PDE1C: variants seen among roughly 807,000 people sequenced by gnomAD.
PDE1C encodes the protein phosphodiesterase 1C.
Under a neutral mutation model 93.1 loss-of-function variants are expected in PDE1C, and 62 were observed. That is an observed-to-expected ratio of 0.67 (90% CI 0.54 to 0.82). The LOEUF (loss-of-function observed/expected upper bound fraction) is 0.82. Among genes scored for constraint, PDE1C ranks in the 40% least tolerant of loss-of-function variants. The pLI is 0.00. For synonymous variants in PDE1C, 325 were observed against 310.1 expected, an observed-to-expected ratio of 1.05 and a Z score of -0.50; for missense variants, 742 against 884.6, an observed-to-expected ratio of 0.84 and a Z score of 2.04.
In PDE1C at chr7:32,112,840, GTGTGTGTA is replaced by G. The variant is rs1341889644; in HGVS notation, c.308+56937_308+56944del. 9.5e-3 allele frequency among the ~76,000 whole-genome samples: 511 copies of G among 53,600 alleles called. 6 individuals are homozygous for G. The East Asian group carries it at 0.1, about 11-fold the overall frequency. 35.2% of individuals were successfully genotyped at this position (53,600 alleles called of 152,430 possible). A position where few individuals can be genotyped will look rare whatever the true frequency, so the allele number is the denominator to read the frequency against. ...TGTGTGTGTGTGTGTGTGTGTGTGT[GTGTGTGTA>G]TATATATATATATATATATATATAT... is the stretch of plus-strand genomic sequence containing the variant. On this transcript the variant is annotated intron_variant, in intron 3 of 18. Transcript: ENST00000396193.
chr7:32,226,941 G>A (rs1807324247), intron 1 of PDE1C, among the ~76,000 whole-genome samples: 1 of 152,094 alleles, frequency 6.6e-6, no homozygotes, highest in African/African-American at 2.4e-5. Flanking sequence ...TGCGGTCAGG[G>A]GCCGTTAGGA....
chr7:32,141,362 C>T (rs781216702), intron 3 of PDE1C, among the ~76,000 whole-genome samples: 1 of 152,134 alleles, frequency 6.6e-6, no homozygotes, highest in East Asian at 1.9e-4. Context: ...GAAAAAAGAG[C>T]ATGGAAAGGG....
chr7:32,206,287 G>A (rs1805513660), intron 2 of PDE1C, among the ~76,000 whole-genome samples: 1 of 152,186 alleles, frequency 6.6e-6, no homozygotes, highest in South Asian at 2.1e-4. Flanking sequence ...AGGGGGAAAG[G>A]AGCAGAAAGG....
chr7:32,160,192 G>A (rs1801824928), intron 3 of PDE1C, among the ~76,000 whole-genome samples: 1 of 152,116 alleles, frequency 6.6e-6, no homozygotes, highest in Admixed American at 6.5e-5. Context: ...GGGTGCCAGA[G>A]GGGACTTCTG....
Position 32,029,739 on chromosome 7 carries a change from ATGT to A in PDE1C, c.128+21812_128+21814del, listed in dbSNP as rs1347244162. Among the ~76,000 whole-genome samples, 11 of 152,238 alleles carry A rather than the reference ATGT, an allele frequency of 7.2e-5. No homozygotes were observed. The East Asian group carries it at 2.1e-3, about 29-fold the overall frequency. The stretch of plus-strand genomic sequence containing the variant: ...AACCTAGGTTTAAAAAATTGTGTAA[ATGT>A]TGTAAAAGGGATTTTCAAGGCAATG... On this transcript the variant is annotated intron_variant, in intron 2 of 17. Transcript: ENST00000396191.
At chr7:31,816,302 G>T (rs530470541) in intron 14 of PDE1C, 148 bp from the exon 15 acceptor site, 2 of 666,280 alleles carry the variant, frequency 3.0e-6, no homozygotes. Context: ...AGATTGGCAT[G>T]TATACTTAGG....
chr7:31,719,700 T>C, the PDE1C span, among the ~76,000 whole-genome samples: 1 of 152,134 alleles, frequency 6.6e-6, no homozygotes, highest in Non-Finnish European at 1.5e-5. Context: ...TAAAAATAAA[T>C]TCCACACATT....
chr7:32,285,081 C>G (rs1474084012), intron 1 of PDE1C, among the ~76,000 whole-genome samples: 1 of 151,904 alleles, frequency 6.6e-6, no homozygotes, highest in Non-Finnish European at 1.5e-5. Flanking sequence ...CTTGCCAGGT[C>G]CAACCCACAA....
chr7:31,816,903 A>T (rs1167975116), intron 14 of PDE1C, among the ~76,000 whole-genome samples: 1 of 152,180 alleles, frequency 6.6e-6, no homozygotes, highest in Non-Finnish European at 1.5e-5. Context: ...CCAGTTGATT[A>T]TAAAAGGGCT....
At chr7:31,971,714 CAA>C (rs1390327211) in intron 2 of PDE1C, among the ~76,000 whole-genome samples, 3 of 152,220 alleles carry the variant, frequency 2.0e-5, no homozygotes, top group African/African-American at 7.2e-5. Context: ...GCACTAACAA[CAA>C]GAGATCAGAG....
At chr7:32,414,043 T>C (rs1410821115) in intron 1 of PDE1C, among the ~76,000 whole-genome samples, 1 of 151,522 alleles carries the variant, frequency 6.6e-6, no homozygotes, top group Non-Finnish European at 1.5e-5. Flanking sequence ...TGAGACCCCA[T>C]CTTTATAAAA....
At chr7:31,672,364 C>G in the PDE1C span, among the ~76,000 whole-genome samples, 1 of 152,230 alleles carries the variant, frequency 6.6e-6, no homozygotes, top group South Asian at 2.1e-4. Context: ...ATATAGATAA[C>G]TTCTCCTGTT....
At position 31,753,319 on chromosome 7, in the gene PDE1C, G is replaced by A; in HGVS notation, c.*65C>T. On this transcript the variant is annotated 3_prime_UTR_variant, in exon 18 of 18. Transcript: ENST00000396191. ...GGGTCTTGGAGGTGTGTCCTGCTGT[G>A]GCCAGTGGGTGCTGAGAAGCAGATA... 6.4e-7 allele frequency: 1 copy of A among 1,564,158 alleles called. No individual in the cohort carries two copies. Among genetic ancestry groups the A allele is most frequent in the East Asian group, 2.3e-5 (1 of 44,338 alleles).
At chr7:31,642,254 TC>T in the PDE1C span, 1 of 1,550,060 alleles carries the variant, frequency 6.5e-7, no homozygotes, top group African/African-American at 1.4e-5. Flanking sequence ...CCGCTGCCCC[TC>T]CAGGTAGGAG....
At chr7:31,955,292 T>C (rs908037987) in intron 2 of PDE1C, among the ~76,000 whole-genome samples, 5 of 152,200 alleles carry the variant, frequency 3.3e-5, no homozygotes, top group African/African-American at 7.2e-5. Context: ...ATATCTACTA[T>C]GCCCATTTCA....
chr7:31,919,848 C>T (rs1009536845), intron 2 of PDE1C, among the ~76,000 whole-genome samples: 1 of 152,138 alleles, frequency 6.6e-6, no homozygotes, highest in African/African-American at 2.4e-5. Flanking sequence ...TGGGCATCCA[C>T]GCCTGTGGTG....
chr7:31,760,369 C>T (rs1361865655), intron 17 of PDE1C, among the ~76,000 whole-genome samples: 1 of 152,170 alleles, frequency 6.6e-6, no homozygotes, highest in Non-Finnish European at 1.5e-5. Context: ...CTGTTGTTTT[C>T]CACTAAATGA....
chr7:31,640,563 A>G, the PDE1C span, among the ~76,000 whole-genome samples: 147 of 152,238 alleles, frequency 9.7e-4, no homozygotes, highest in Non-Finnish European at 1.8e-3. Context: ...AAGCTGGGTA[A>G]CTATAGGGTT....
chr7:32,371,557 C>G (rs58343079), intron 1 of PDE1C, among the ~76,000 whole-genome samples: 112 of 152,282 alleles, frequency 7.4e-4, no homozygotes, highest in African/African-American at 2.6e-3. Flanking sequence ...GGATGGGTAC[C>G]ATGGTGATTT....
Sources: gnomAD v4.1 joint callset for allele counts (sites outside exome capture counted in the v4.1 genomes callset) on GRCh38, gnomAD v4.1.1 for gene constraint, MANE v1.5 for transcripts, NCBI Gene and HGNC (gene_info 2026-07-23, HGNC 2026-07-21) for gene names.